The following CLHC1 variants were observed in gnomAD, a reference collection of about 807,000 sequenced individuals.
CLHC1 encodes clathrin heavy chain linker domain-containing protein 1.
Under a neutral mutation model 69.5 loss-of-function variants are expected in CLHC1, and 72 were observed. The ratio of observed to expected loss-of-function variants is 1.04; its 90% CI spans 0.86 to 1.26. The LOEUF (loss-of-function observed/expected upper bound fraction) is 1.26. CLHC1 is among the 50% of genes most tolerant of loss of function. The probability of loss-of-function intolerance (pLI) is 0.00; values close to 1 mark genes in which losing one functional copy is unlikely to be tolerated. For missense variants in CLHC1, 790 were observed against 679.3 expected (o/e 1.16, Z -1.81); for synonymous variants, 223 against 224.3 (o/e 0.99, Z 0.05).
chr2:55,200,652 G>C (rs1558479389), intron 9 of CLHC1, among the ~76,000 whole-genome samples: 3 of 152,106 alleles, frequency 2.0e-5, no homozygotes, highest in South Asian at 2.1e-4. Context: ...AGAATCATCA[G>C]ACTTGATCTG....
At chr2:55,185,551 C>A (rs1238677512) in intron 9 of CLHC1, among the ~76,000 whole-genome samples, 1 of 152,156 alleles carries the variant, frequency 6.6e-6, no homozygotes, top group African/African-American at 2.4e-5. Flanking sequence ...CTCCGTGATG[C>A]AAATCATTTT....
chr2:55,212,647 C>A (rs756583752), intron 5 of CLHC1, 26 bp downstream of exon 5: 6 of 1,558,942 alleles, frequency 3.8e-6, no homozygotes, highest in Non-Finnish European at 5.3e-6. Flanking sequence ...GGATTTCTCT[C>A]AAATATTTTA....
intron 3 of CLHC1, chr2:55,218,553 T>C (rs1673802714): frequency 6.6e-6 from 1 of 152,160 alleles, no homozygotes; most frequent in Non-Finnish European, 1.5e-5. Context: ...TGTTTAGGCA[T>C]AGAAAATCTC....
intron 2 of CLHC1, chr2:55,224,396 C>A: frequency 2.3e-6 from 1 of 435,932 alleles, no homozygotes. Flanking sequence ...GTGGATGGTC[C>A]TCCTGGAGGA....
intron 9 of CLHC1, among the ~76,000 whole-genome samples, chr2:55,192,600 A>G (rs1368966311): frequency 6.6e-6 from 1 of 152,214 alleles, no homozygotes; most frequent in Non-Finnish European, 1.5e-5. Context: ...TACAGTAATC[A>G]AGATAGTATA....
At chr2:55,190,537 GT>G (rs1271710524) in intron 9 of CLHC1, among the ~76,000 whole-genome samples, 1 of 152,130 alleles carries the variant, frequency 6.6e-6, no homozygotes, top group Non-Finnish European at 1.5e-5. Context: ...AATATGTTAA[GT>G]AGAGACATGA....
intron 2 of CLHC1, chr2:55,224,284 G>GCGTCCCATGCAGAGTGC: frequency 2.4e-6 from 1 of 415,772 alleles, no homozygotes; most frequent in Non-Finnish European, 4.9e-6. Flanking sequence ...GAGCTGGATG[G>GCGTCCCATGCAGAGTGC]CGTCCCATGC....
intron 4 of CLHC1, among the ~76,000 whole-genome samples, chr2:55,216,360 T>C (rs1673508047): frequency 1.3e-5 from 2 of 151,684 alleles, no homozygotes; most frequent in Admixed American, 6.6e-5. Context: ...ACACTGAAAA[T>C]ATAAGACTAC....
chr2:55,180,510 C>T lies in CLHC1; in HGVS notation c.1384G>A (p.Asp462Asn), dbSNP rs1193821242. 38 of 1,609,312 alleles carry T rather than the reference C, an allele frequency of 2.4e-5. 1 individual carries two copies. Among genetic ancestry groups the T allele is most frequent in the Non-Finnish European group, 2.9e-5 (34 of 1,176,242 alleles). ...ACAAATGGCAGACTTTTTAACTTAC[C>T]GGTAGTAAAGTCCTTCAACTGCTGT... ...YIQQLKDFTT[D>N]DLLQLLMSCP... Residue 462 changes from aspartate (D) to asparagine (N), a missense_variant and splice_region_variant, in exon 11 of 13, where the codon GAT (aspartate) becomes AAT (asparagine). Asp to Asn is a conservative substitution (Grantham distance 23). Transcript: ENST00000401408.
intron 9 of CLHC1, among the ~76,000 whole-genome samples, chr2:55,187,842 T>C (rs942104882): frequency 3.3e-5 from 5 of 152,164 alleles, no homozygotes; most frequent in African/African-American, 4.8e-5. Context: ...TAAAAACTTC[T>C]GTTCATCTTA....
intron 4 of CLHC1, among the ~76,000 whole-genome samples, chr2:55,216,837 A>G (rs1292965002): frequency 6.6e-6 from 1 of 152,034 alleles, no homozygotes; most frequent in Non-Finnish European, 1.5e-5. Flanking sequence ...ATTTTATGAT[A>G]CAAAATGTGC....
intron 10 of CLHC1, 25 bp from the exon 11 acceptor site, chr2:55,180,737 A>G (rs756531547): frequency 5.6e-6 from 9 of 1,597,250 alleles, no homozygotes. Context: ...TCAATAAGAC[A>G]TATGTTAGAA....
chr2:55,216,561 C>T (rs1558506467), intron 4 of CLHC1, among the ~76,000 whole-genome samples: 5 of 151,476 alleles, frequency 3.3e-5, no homozygotes, highest in Admixed American at 2.0e-4. Context: ...CTTGAGATGG[C>T]GTCTCGCTCT....
At chr2:55,197,306 C>T (rs1228198752) in intron 9 of CLHC1, among the ~76,000 whole-genome samples, 2 of 152,210 alleles carry the variant, frequency 1.3e-5, no homozygotes, top group Non-Finnish European at 2.9e-5. Flanking sequence ...GCCTGGATGG[C>T]TTCACCACCT....
intron 4 of CLHC1, among the ~76,000 whole-genome samples, chr2:55,217,197 C>A (rs1209933356): frequency 6.7e-6 from 1 of 148,598 alleles, no homozygotes; most frequent in Non-Finnish European, 1.5e-5. Context: ...CTGCTTCAAA[C>A]AAACAAAAAG....
At position 55,185,225 on chromosome 2, in the gene CLHC1, A is replaced by C. The variant is rs1670312603; in HGVS notation, c.1007-3481T>G. On this transcript the variant is annotated intron_variant, in intron 9 of 12. Transcript: ENST00000401408. ...ACTACCAATAAGGAAAACCAAGAAG[A>C]AGCTATCCAATTCACACCAAACAAC... 2.0e-5 allele frequency among the ~76,000 whole-genome samples: 3 copies of C among 152,150 alleles called. No homozygotes were observed. The South Asian group carries it at 6.2e-4, about 32-fold the overall frequency.
At chr2:55,219,740 C>A (rs749035938) in intron 3 of CLHC1, among the ~76,000 whole-genome samples, 5 of 152,120 alleles carry the variant, frequency 3.3e-5, no homozygotes, top group Non-Finnish European at 7.3e-5. Context: ...AAGAAAATAA[C>A]CATAGCTATA....
At chr2:55,191,244 T>C (rs746749639) in intron 9 of CLHC1, among the ~76,000 whole-genome samples, 2 of 152,080 alleles carry the variant, frequency 1.3e-5, no homozygotes, top group Non-Finnish European at 2.9e-5. Flanking sequence ...GATGGAAAAA[T>C]ATACATATGT....
intron 2 of CLHC1, among the ~76,000 whole-genome samples, chr2:55,227,677 CA>C (rs372124703): frequency 9.4e-5 from 12 of 127,668 alleles, no homozygotes; most frequent in Non-Finnish European, 1.1e-4. Flanking sequence ...GACTCCATCT[CA>C]AAAAAAAAAA....
Sources: allele counts gnomAD v4.1 joint callset (sites outside exome capture counted in the v4.1 genomes callset), GRCh38; gene constraint gnomAD v4.1.1; transcripts MANE v1.5; gene names NCBI Gene and HGNC (gene_info 2026-07-23, HGNC 2026-07-21).